The following ACVR1C variants were observed in gnomAD, a reference collection of about 807,000 sequenced individuals.
ACVR1C encodes activin A receptor type 1C.
ACVR1C carries 23 observed loss-of-function variants against 57.9 expected under a neutral mutation model. The observed-to-expected ratio is 0.40, with a 90% CI of 0.29 to 0.56. The LOEUF is 0.56. Among genes scored for constraint, ACVR1C ranks in the 20% least tolerant of loss-of-function variants. ACVR1C has a pLI of 0.50. For missense variants in ACVR1C, 480 were observed against 607.9 expected (o/e 0.79, Z 2.21); for synonymous variants, 214 against 215.3 (o/e 0.99, Z 0.05).
chr2:157,594,899 C>T (rs919155818), intron 1 of ACVR1C, among the ~76,000 whole-genome samples: 3 of 152,160 alleles, frequency 2.0e-5, no homozygotes, highest in Non-Finnish European at 4.4e-5. Flanking sequence ...CTTACTGCCT[C>T]AAAATTTTGA....
intron 4 of ACVR1C, among the ~76,000 whole-genome samples, chr2:157,548,612 A>T (rs988813640): frequency 2.0e-5 from 3 of 151,586 alleles, no homozygotes; most frequent in Admixed American, 6.6e-5. Context: ...CAGAGCCCTC[A>T]GAAATAACGC....
chr2:157,596,744 C>A (rs1312455063), intron 1 of ACVR1C, among the ~76,000 whole-genome samples: 2 of 152,136 alleles, frequency 1.3e-5, no homozygotes, highest in African/African-American at 4.8e-5. Context: ...AAATGAATTA[C>A]TTTATGGCAA....
At chr2:157,572,717 A>G (rs961704084) in intron 2 of ACVR1C, among the ~76,000 whole-genome samples, 1 of 152,200 alleles carries the variant, frequency 6.6e-6, no homozygotes, top group African/African-American at 2.4e-5. Context: ...GGAGACAAGA[A>G]ATGCCTCCTA....
chr2:157,576,883 T>C (rs1455185196), intron 2 of ACVR1C, among the ~76,000 whole-genome samples: 1 of 37,678 alleles, frequency 2.7e-5, no homozygotes, highest in Non-Finnish European at 5.7e-5. Flanking sequence ...AGTCTCGCTC[T>C]GTCGCCCAGG....
chr2:157,561,159 A>T (rs1180508218), intron 2 of ACVR1C, among the ~76,000 whole-genome samples: 1 of 152,234 alleles, frequency 6.6e-6, no homozygotes, highest in Non-Finnish European at 1.5e-5. Context: ...CCCAAAAGTC[A>T]CTGTCATTTT....
chr2:157,591,851 A>C (rs1326268054), intron 1 of ACVR1C, among the ~76,000 whole-genome samples: 2 of 152,072 alleles, frequency 1.3e-5, no homozygotes, highest in Non-Finnish European at 2.9e-5. Context: ...CATACATAAC[A>C]AAATGAGGCT....
chr2:157,614,984 A>T (rs192127216), intron 1 of ACVR1C, among the ~76,000 whole-genome samples: 5 of 152,228 alleles, frequency 3.3e-5, no homozygotes, highest in African/African-American at 1.2e-4. Context: ...CTATACTTAA[A>T]CCATTTACAT....
intron 4 of ACVR1C, among the ~76,000 whole-genome samples, chr2:157,549,694 C>T (rs183253401): frequency 1.6e-3 from 236 of 151,948 alleles, no homozygotes; most frequent in African/African-American, 5.3e-3. Flanking sequence ...TTTCTTAAAA[C>T]GAAGAGACGG....
chr2:157,553,329 GA>G (rs1212922713), intron 3 of ACVR1C, among the ~76,000 whole-genome samples: 1 of 151,884 alleles, frequency 6.6e-6, no homozygotes, highest in Non-Finnish European at 1.5e-5. Context: ...GGCTTTGGGG[GA>G]AAAATGCCTA....
intron 1 of ACVR1C, among the ~76,000 whole-genome samples, chr2:157,599,224 C>G (rs1682218507): frequency 7.0e-6 from 1 of 142,804 alleles, no homozygotes; most frequent in Non-Finnish European, 1.5e-5. Context: ...GTCCCAGGTA[C>G]TCTGGAGGCT....
chr2:157,542,230 T>C (rs1233658431), intron 6 of ACVR1C, among the ~76,000 whole-genome samples: 1 of 152,156 alleles, frequency 6.6e-6, no homozygotes, highest in Non-Finnish European at 1.5e-5. Flanking sequence ...TAAGGGAATA[T>C]AGTAGCACAT....
At chr2:157,578,129 T>C (rs1688707838) in intron 2 of ACVR1C, among the ~76,000 whole-genome samples, 1 of 152,166 alleles carries the variant, frequency 6.6e-6, no homozygotes, top group Admixed American at 6.5e-5. Flanking sequence ...GATCTCAAAC[T>C]CTTGAGCTCA....
At chr2:157,563,955 A>G (rs1688300679) in intron 2 of ACVR1C, among the ~76,000 whole-genome samples, 1 of 152,254 alleles carries the variant, frequency 6.6e-6, no homozygotes, top group Non-Finnish European at 1.5e-5. Flanking sequence ...CACATTATAC[A>G]AAAATTAACT....
chr2:157,558,416 T>C (rs937899766), intron 2 of ACVR1C, among the ~76,000 whole-genome samples: 2 of 152,206 alleles, frequency 1.3e-5, no homozygotes, highest in African/African-American at 2.4e-5. Context: ...AAAAAATACA[T>C]GACTATCATT....
intron 4 of ACVR1C, among the ~76,000 whole-genome samples, chr2:157,547,058 A>C: frequency 7.3e-6 from 1 of 137,782 alleles, no homozygotes; most frequent in Admixed American, 7.7e-5. Context: ...ATGAGTGAGA[A>C]TATGCGGTGT....
In ACVR1C at chr2:157,617,260, T is replaced by C. The variant is rs529205330; in HGVS notation, c.73+11312A>G. ...CAGGAAGGCATGGAAATTGTAAATG[T>C]GTATGTGCCTAAGTATTTCAAAATA... On this transcript the variant is annotated intron_variant, in intron 1 of 8. Coordinates refer to ENST00000243349, the MANE Select transcript of ACVR1C (RefSeq NM_145259.3). Among the ~76,000 whole-genome samples the C allele has an allele frequency of 4.9e-4, 75 of 152,194 alleles. 1 individual carries two copies. The highest frequency in any genetic ancestry group is 3.4e-3 in the Middle Eastern group (1 of 294).
chr2:157,617,478 T>C (rs185254621), intron 1 of ACVR1C, among the ~76,000 whole-genome samples: 1 of 152,126 alleles, frequency 6.6e-6, no homozygotes, highest in Non-Finnish European at 1.5e-5. Context: ...GCAGATGCCT[T>C]TGGGAGTACC....
Position 157,544,493 on chromosome 2 carries a change from T to C in ACVR1C, c.895A>G (p.Ile299Val), listed in dbSNP as rs114378361. ...TGAAGGTGTGCCAGACCACTAGCAA[T>C]TGAGAGCGCCAGCTTGATCATTCCA... ...VAGMIKLALS[I>V]ASGLAHLHME... Residue 299 changes from isoleucine to valine, a missense_variant, in exon 5 of 9, where the codon ATT becomes GTT. By Grantham distance (29) the Ile-to-Val change is conservative. Transcript: ENST00000243349. 2.7e-5 allele frequency: 43 copies of C among 1,613,942 alleles called. No homozygotes were observed. Among genetic ancestry groups the C allele is most frequent in the African/African-American group, 2.3e-4 (17 of 75,036 alleles).
At chr2:157,583,564 C>A (rs1355833492) in intron 2 of ACVR1C, among the ~76,000 whole-genome samples, 1 of 152,108 alleles carries the variant, frequency 6.6e-6, no homozygotes, top group African/African-American at 2.4e-5. Context: ...TTATAATAGG[C>A]AAATCAATTT....
Sources: gnomAD v4.1 joint callset for allele counts (sites outside exome capture counted in the v4.1 genomes callset) on GRCh38, gnomAD v4.1.1 for gene constraint, MANE v1.5 for transcripts, NCBI Gene and HGNC (gene_info 2026-07-23, HGNC 2026-07-21) for gene names.